Variants in SPATS2 observed in about 807,000 individuals in gnomAD.
SPATS2 encodes spermatogenesis associated serine rich 2.
A neutral mutation model predicts 63.7 loss-of-function variants in SPATS2; 38 were observed. That is an observed-to-expected ratio of 0.60 (90% CI 0.46 to 0.78). The LOEUF (loss-of-function observed/expected upper bound fraction) is 0.78, where lower values mean the gene tolerates loss of function less well. Ranked by LOEUF, SPATS2 falls within the 30% of genes least tolerant of loss-of-function variation. SPATS2 has a pLI of 0.00. For missense variants in SPATS2, 588 were observed against 666.2 expected, an observed-to-expected ratio of 0.88 and a Z score of 1.29; for synonymous variants, 207 against 232.9, an observed-to-expected ratio of 0.89 and a Z score of 1.01.
chr12:49,490,868 G>T (rs80144643), intron 6 of SPATS2, 137 bp downstream of exon 6: 20,590 of 772,394 alleles, frequency 0.027, 681 homozygotes, highest in African/African-American at 0.12. Context: ...TTGGCCAGGT[G>T]CAGGGGCTCA....
chr12:49,433,070 A>G (rs1945213445), intron 2 of SPATS2, among the ~76,000 whole-genome samples: 1 of 152,116 alleles, frequency 6.6e-6, no homozygotes, highest in African/African-American at 2.4e-5. Flanking sequence ...CATCTTTACT[A>G]ATACTTATTT....
chr12:49,410,691 A>G (rs945028722), intron 2 of SPATS2, among the ~76,000 whole-genome samples: 1 of 152,154 alleles, frequency 6.6e-6, no homozygotes, highest in Non-Finnish European at 1.5e-5. Flanking sequence ...CAAAGTTTTG[A>G]GTGCTCACTG....
chr12:49,478,848 A>G (rs1289458615), intron 3 of SPATS2, among the ~76,000 whole-genome samples: 2 of 152,328 alleles, frequency 1.3e-5, no homozygotes, highest in African/African-American at 4.8e-5. Flanking sequence ...TCCTGCATCC[A>G]GGAAGAATGA....
intron 2 of SPATS2, among the ~76,000 whole-genome samples, chr12:49,420,085 C>A (rs947511501): frequency 1.3e-5 from 2 of 152,198 alleles, no homozygotes; most frequent in Non-Finnish European, 2.9e-5. Context: ...AATGGCTATG[C>A]TTCTTAGAGT....
intron 9 of SPATS2, among the ~76,000 whole-genome samples, chr12:49,513,360 G>A (rs1040215427): frequency 6.6e-6 from 1 of 152,144 alleles, no homozygotes; most frequent in Non-Finnish European, 1.5e-5. Flanking sequence ...TTGCATGTTT[G>A]TGCAAGTATT....
At chr12:49,388,540 A>C (rs1267249250) in intron 2 of SPATS2, among the ~76,000 whole-genome samples, 1 of 151,068 alleles carries the variant, frequency 6.6e-6, no homozygotes, top group Non-Finnish European at 1.5e-5. Flanking sequence ...TGCTGGACTA[A>C]TTTTTTTTAT....
chr12:49,526,461 C>A lies in SPATS2; in HGVS notation c.*206C>A. 1 of 638,368 alleles carries A rather than the reference C, an allele frequency of 1.6e-6. No individual in the cohort carries two copies. Among genetic ancestry groups the A allele is most frequent in the Non-Finnish European group, 2.6e-6 (1 of 386,028 alleles). The allele number at this position is 638,368 out of a possible 1,614,324, so 39.5% of individuals were successfully genotyped here. On this transcript the variant is annotated 3_prime_UTR_variant, in exon 14 of 14. Transcript: ENST00000552918. ...GCTATTTTTTTTCCTTGATCTTTCC[C>A]AGTGATATGGATTGAATCTGGTTGG...
intron 3 of SPATS2, chr12:49,463,594 C>T (rs765308557): frequency 8.5e-5 from 13 of 152,138 alleles, no homozygotes; most frequent in Non-Finnish European, 1.6e-4. Flanking sequence ...GGTCCCATGA[C>T]ATATAAAATA....
At chr12:49,517,189 T>G (rs1477674669) in intron 10 of SPATS2, among the ~76,000 whole-genome samples, 1 of 152,186 alleles carries the variant, frequency 6.6e-6, no homozygotes, top group Non-Finnish European at 1.5e-5. Flanking sequence ...GCAAATAGGT[T>G]TTATCTTGGG....
At chr12:49,405,496 A>G (rs927349902) in intron 2 of SPATS2, among the ~76,000 whole-genome samples, 1 of 152,190 alleles carries the variant, frequency 6.6e-6, no homozygotes, top group Non-Finnish European at 1.5e-5. Flanking sequence ...TCAGGAGTTT[A>G]AAACACAGCC....
intron 2 of SPATS2, among the ~76,000 whole-genome samples, chr12:49,457,159 T>C (rs1945733228): frequency 6.6e-6 from 1 of 152,152 alleles, no homozygotes; most frequent in Non-Finnish European, 1.5e-5. Context: ...CAAGGAGGAA[T>C]CTGCTTTTGG....
intron 11 of SPATS2, among the ~76,000 whole-genome samples, chr12:49,521,804 C>T (rs1190820019): frequency 6.6e-6 from 1 of 152,074 alleles, no homozygotes; most frequent in African/African-American, 2.4e-5. Context: ...ACAAGAGGTT[C>T]GTGTGCTTTC....
rs1012625554 is a variant in SPATS2, at chr12:49,496,772, T to C, written c.527-61T>C. ...ATTTTTACCTGTTTTCTTTGTGTAC[T>C]TAAGAATGACTGGTTTACTCCTAAA... On this transcript the variant is annotated intron_variant, in intron 7 of 13. Coordinates refer to ENST00000552918, the MANE Select transcript of SPATS2 (RefSeq NM_023071.4). The C allele has an allele frequency of 4.5e-6, 7 of 1,561,294 alleles. No homozygotes were observed. In the African/African-American group the frequency reaches 9.6e-5, roughly 22 times the overall value.
rs372057451 is a variant in SPATS2 at position 49,490,745 on chromosome 12, C to T, written c.264+14C>T. On this transcript the variant is annotated intron_variant, in intron 6 of 13. Coordinates refer to ENST00000552918, the MANE Select transcript of SPATS2 (RefSeq NM_023071.4). ...GGCAAGAAAAAGGTAAAATGAATTA[C>T]ATTTAAAAGCATGATGATGTGTATA... is the stretch of plus-strand genomic sequence containing the variant. 5.4e-5 allele frequency: 87 copies of T among 1,610,982 alleles called. No individual in the cohort carries two copies. The highest frequency in any genetic ancestry group is 7.2e-5 in the Non-Finnish European group (85 of 1,177,926).
chr12:49,376,041 TG>T (rs1296788211), intron 2 of SPATS2, among the ~76,000 whole-genome samples: 1 of 151,184 alleles, frequency 6.6e-6, no homozygotes, highest in Non-Finnish European at 1.5e-5. Context: ...CCTTCTGTCT[TG>T]GCCTCCCAAA....
chr12:49,454,609 G>A (rs561559309), intron 2 of SPATS2, among the ~76,000 whole-genome samples: 103 of 152,288 alleles, frequency 6.8e-4, no homozygotes, highest in Non-Finnish European at 1.1e-3. Context: ...TGGATCAGGC[G>A]TGGTGGCTCA....
chr12:49,524,891 C>T lies in SPATS2; in HGVS notation c.1321C>T (p.Arg441Trp), dbSNP rs369467557. ...NSSGQPYQPL[R>W]EVLPGNRRGG... Reference sequence around the variant, plus strand: ...CAGTGGCCAGCCCTACCAGCCACTTCGGGAGGTAACCTAGCTTCTACACTG... The same window carrying T: ...CAGTGGCCAGCCCTACCAGCCACTTTGGGAGGTAACCTAGCTTCTACACTG... The change falls in exon 13 of 14, where the codon CGG (arginine) becomes TGG (tryptophan). Residue 441 changes from arginine (R) to tryptophan (W), a missense_variant. Arg to Trp is a moderately radical substitution (Grantham distance 101, BLOSUM62 -3). Coordinates refer to ENST00000552918, the MANE Select transcript of SPATS2 (RefSeq NM_023071.4). 1.9e-5 allele frequency: 31 copies of T among 1,613,044 alleles called. No homozygotes were observed. The highest frequency in any genetic ancestry group is 2.4e-5 in the Non-Finnish European group (28 of 1,179,974).
At chr12:49,518,501 T>C (rs1946886304) in intron 10 of SPATS2, among the ~76,000 whole-genome samples, 1 of 152,098 alleles carries the variant, frequency 6.6e-6, no homozygotes, top group African/African-American at 2.4e-5. Flanking sequence ...AGAATGAAGG[T>C]GATCCAGATG....
At chr12:49,523,479 C>T (rs1946976729) in intron 12 of SPATS2, among the ~76,000 whole-genome samples, 1 of 151,748 alleles carries the variant, frequency 6.6e-6, no homozygotes, top group Non-Finnish European at 1.5e-5. Flanking sequence ...GGCACCAGAG[C>T]AAGACTGTGT....
Sources: gnomAD v4.1 joint callset for allele counts (sites outside exome capture counted in the v4.1 genomes callset) on GRCh38, gnomAD v4.1.1 for gene constraint, MANE v1.5 for transcripts, NCBI Gene and HGNC (gene_info 2026-07-23, HGNC 2026-07-21) for gene names.